The following CYP4F11 variants were observed in gnomAD, a reference collection of about 807,000 sequenced individuals.
CYP4F11 encodes the protein cytochrome P450 family 4 subfamily F member 11.
CYP4F11 carries 79 observed loss-of-function variants against 62.2 expected under a neutral mutation model. That is an observed-to-expected ratio of 1.27 (90% CI 1.06 to 1.53). The LOEUF (loss-of-function observed/expected upper bound fraction) is 1.53. Ranked by LOEUF, CYP4F11 falls within the 40% of genes most tolerant of loss-of-function variation. CYP4F11 has a pLI of 0.00. For missense variants in CYP4F11, 777 were observed against 680.5 expected, an observed-to-expected ratio of 1.14 and a Z score of -1.58; for synonymous variants, 290 against 263.7, an observed-to-expected ratio of 1.10 and a Z score of -0.97.
At chr19:15,934,680 A>T, upstream of CYP4F11, 2 of 401,580 alleles carry the variant, frequency 5.0e-6, no homozygotes, top group Non-Finnish European at 8.8e-6. Context: ...GGAGGTTGCC[A>T]GGGGTCCAGT....
rs563979739 is a variant in CYP4F11, at chr19:15,919,784, A to G, written c.1115+2253T>C. On this transcript the variant is annotated intron_variant, in intron 8 of 11. Transcript: ENST00000402119. ...CCTGTCGTTGGTGACAATATGGATG[A>G]TTCTGGAGGACATTATGCTAAGTGA... Among the ~76,000 whole-genome samples the G allele has an allele frequency of 3.9e-5, 6 of 152,328 alleles. No individual in the cohort carries two copies. In the South Asian group the frequency reaches 1.0e-3, roughly 26 times the overall value.
intron 8 of CYP4F11, among the ~76,000 whole-genome samples, chr19:15,919,521 T>C (rs3930732): frequency 0.33 from 47,541 of 146,036 alleles, 8,209 homozygotes; most frequent in South Asian, 0.39. Context: ...GATAGATAGA[T>C]AGACAGATAG....
intron 11 of CYP4F11, 151 bp from the exon 12 acceptor site, chr19:15,914,060 T>G (rs2089561407): frequency 2.6e-6 from 3 of 1,138,216 alleles, no homozygotes; most frequent in South Asian, 3.1e-5. Flanking sequence ...CCATGTGTGC[T>G]TGCATATCCC....
At chr19:15,913,932 C>G in intron 11 of CYP4F11, 23 bp from the exon 12 acceptor site, 1 of 1,595,652 alleles carries the variant, frequency 6.3e-7, no homozygotes, top group Non-Finnish European at 8.5e-7. Flanking sequence ...GTGAGGGAAT[C>G]TGACTGTGCC....
intron 6 of CYP4F11, among the ~76,000 whole-genome samples, 192 bp from the exon 7 acceptor site, chr19:15,922,622 T>G (rs1325942827): frequency 2.0e-5 from 3 of 152,106 alleles, no homozygotes; most frequent in Admixed American, 2.0e-4. Context: ...CTTCTTCACC[T>G]CCTATTTGGC....
intron 8 of CYP4F11, among the ~76,000 whole-genome samples, chr19:15,917,619 G>A (rs975749088): frequency 6.6e-6 from 1 of 152,116 alleles, no homozygotes; most frequent in Non-Finnish European, 1.5e-5. Context: ...AAAAGAAAAT[G>A]TGGACAAAAT....
At chr19:15,923,423 C>T (rs192156379) in intron 6 of CYP4F11, among the ~76,000 whole-genome samples, 22 of 152,214 alleles carry the variant, frequency 1.4e-4, no homozygotes, top group Admixed American at 2.6e-4. Context: ...TTGCATTACC[C>T]TAGAAGGAAT....
Position 15,923,998 on chromosome 19 carries a change from G to A in CYP4F11, c.732C>T (p.Asp244=), listed in dbSNP as rs1484431655. ...CATCAGGAGTGAGATAATACAGGAA[G>A]TCCGTGTGCAAGAGAATCTGCTGGT... is the stretch of plus-strand genomic sequence containing the variant. ...KRNQQILLHT[D]FLYYLTPDGQ... is the part of the protein sequence containing the mutation. Residue 244 remains aspartate, a synonymous_variant, in exon 6 of 12, where the codon GAC becomes GAT. Transcript: ENST00000402119. 8.7e-6 allele frequency: 14 copies of A among 1,614,054 alleles called. No homozygotes were observed. Among genetic ancestry groups the A allele is most frequent in the Non-Finnish European group, 1.7e-6 (2 of 1,180,032 alleles).
At position 15,913,169 on chromosome 19, in the gene CYP4F11, TC is replaced by T. The variant is rs1409759457; in HGVS notation, c.*562del. The T allele has an allele frequency of 1.9e-5, 3 of 159,454 alleles. No individual in the cohort carries two copies. The highest frequency in any genetic ancestry group is 7.3e-5 in the African/African-American group (3 of 41,340). 9.9% of individuals were successfully genotyped at this position (159,454 alleles called of 1,614,324 possible). A position where few individuals can be genotyped will look rare whatever the true frequency, so the allele number is the denominator to read the frequency against. ...AGGACTTGAGCCCAAGCAGTCTGGC[TC>T]CAGATCCTATGCCTCTGAAAGTAAG... is the stretch of plus-strand genomic sequence containing the variant. On this transcript the variant is annotated 3_prime_UTR_variant, in exon 12 of 12. Transcript: ENST00000402119.
In CYP4F11 at chr19:15,927,439, G is replaced by T. The variant is rs2089679024; in HGVS notation, c.388C>A (p.Pro130Thr). The T allele has an allele frequency of 3.7e-6, 6 of 1,614,120 alleles. No homozygotes were observed. Among genetic ancestry groups the T allele is most frequent in the Non-Finnish European group, 5.1e-6 (6 of 1,180,030 alleles). The change falls in exon 3 of 12, where the codon CCC becomes ACC. Residue 130 changes from proline (P) to threonine (T), a missense_variant. Pro to Thr is a conservative substitution (Grantham distance 38). Transcript: ENST00000402119. ...CACCTCAATTACTCACCCAGCCAGGGCTTCAGGAAGCCATAGAAAATCATA... is the reference window on the plus strand; with the variant it reads ...CACCTCAATTACTCACCCAGCCAGGTCTTCAGGAAGCCATAGAAAATCATA... ...KDMIFYGFLK[P>T]WLGDGLLLSG... is the part of the protein sequence containing the mutation.
rs115830803 is a variant in CYP4F11, at chr19:15,922,298, C to T, written c.985+66G>A. 1.2e-3 allele frequency: 1,956 copies of T among 1,608,072 alleles called. 15 individuals are homozygous for T. The African/African-American group carries it at 0.017, about 14-fold the overall frequency. On this transcript the variant is annotated intron_variant, in intron 7 of 11. Coordinates refer to ENST00000402119, the MANE Select transcript of CYP4F11 (RefSeq NM_021187.4). ...GGGCAGAATTAAGTGATCCAGGGTC[C>T]ACCCACTACGTTCCTGGGATGGAGA...
At chr19:15,931,581 C>CGAGCAGAGGAATGAGTGAGT (rs2089721432) in intron 1 of CYP4F11, among the ~76,000 whole-genome samples, 1 of 55,778 alleles carries the variant, frequency 1.8e-5, no homozygotes, top group Non-Finnish European at 3.5e-5. Flanking sequence ...AATGAGTGAG[C>CGAGCAGAGGAATGAGTGAGT]GAGGAGAGGA....
chr19:15,918,278 G>T (rs1031206057), intron 8 of CYP4F11, among the ~76,000 whole-genome samples: 3 of 152,234 alleles, frequency 2.0e-5, no homozygotes, highest in Non-Finnish European at 4.4e-5. Context: ...ACACTCTGGG[G>T]CCTGTCACAG....
At chr19:15,934,153 G>A in intron 1 of CYP4F11, 58 bp downstream of exon 1, 1 of 1,581,460 alleles carries the variant, frequency 6.3e-7, no homozygotes, top group East Asian at 2.2e-5. Context: ...CCCCATTCCT[G>A]CCCCTCAGGA....
chr19:15,919,506 A>AGATAGATAGAT lies in CYP4F11; in HGVS notation c.1115+2520_1115+2530dup, dbSNP rs1245566342. ...TAGATAGATAGATAGATAGATAGAT[A>AGATAGATAGAT]GATAGATAGATAGATAGACAGATAG... is the stretch of plus-strand genomic sequence containing the variant. On this transcript the variant is annotated intron_variant, in intron 8 of 11. Coordinates refer to ENST00000402119, the MANE Select transcript of CYP4F11 (RefSeq NM_021187.4). 3.3e-5 allele frequency among the ~76,000 whole-genome samples: 5 copies of AGATAGATAGAT among 150,542 alleles called. No individual in the cohort carries two copies. The East Asian group carries it at 5.9e-4, about 18-fold the overall frequency.
intron 11 of CYP4F11, among the ~76,000 whole-genome samples, 177 bp from the exon 12 acceptor site, chr19:15,914,086 G>A (rs571645299): frequency 2.0e-5 from 3 of 152,216 alleles, no homozygotes; most frequent in African/African-American, 7.2e-5. Flanking sequence ...CCTGGCCCAG[G>A]CTCCTACCCC....
chr19:15,927,513 T>A, intron 2 of CYP4F11, 30 bp from the exon 3 acceptor site: 3 of 1,612,436 alleles, frequency 1.9e-6, no homozygotes, highest in Non-Finnish European at 2.5e-6. Flanking sequence ...TCAGTGGCCA[T>A]GGAGAGGGGT....
intron 8 of CYP4F11, among the ~76,000 whole-genome samples, chr19:15,916,062 CA>C (rs1009515135): frequency 6.6e-6 from 1 of 152,008 alleles, no homozygotes; most frequent in African/African-American, 2.4e-5. Flanking sequence ...ATTGATTTAA[CA>C]AAACATGCAT....
chr19:15,922,843 C>G (rs4808411), intron 6 of CYP4F11, among the ~76,000 whole-genome samples: 1 of 151,742 alleles, frequency 6.6e-6, no homozygotes, highest in Non-Finnish European at 1.5e-5. Flanking sequence ...CACCTGAGGT[C>G]GGGAGTTCGC....
Sources: allele counts gnomAD v4.1 joint callset (sites outside exome capture counted in the v4.1 genomes callset), GRCh38; gene constraint gnomAD v4.1.1; transcripts MANE v1.5; gene names NCBI Gene and HGNC (gene_info 2026-07-23, HGNC 2026-07-21).